Variants in GPR158 observed in about 807,000 individuals in gnomAD.
GPR158 encodes the protein metabotropic glycine receptor.
Under a neutral mutation model 78.2 loss-of-function variants are expected in GPR158, and 30 were observed. That is an observed-to-expected ratio of 0.38 (90% CI 0.29 to 0.52). The LOEUF is 0.52. GPR158 is among the 20% of genes least tolerant of loss of function. The pLI is 0.83. For missense variants in GPR158, 1,463 were observed against 1,523.5 expected (o/e 0.96, Z 0.66); for synonymous variants, 581 against 591.1 (o/e 0.98, Z 0.25).
chr10:25,541,281 T>C (rs1033180650), intron 5 of GPR158, among the ~76,000 whole-genome samples: 20 of 152,108 alleles, frequency 1.3e-4, no homozygotes, highest in Admixed American at 1.3e-4. Flanking sequence ...TTTGTTCTTA[T>C]GGAATTATAA....
chr10:25,350,435 G>A (rs529109927), intron 2 of GPR158, among the ~76,000 whole-genome samples: 3 of 152,002 alleles, frequency 2.0e-5, no homozygotes, highest in East Asian at 3.9e-4. Context: ...CTTCTGAATT[G>A]CTATCTTTCT....
At chr10:25,504,169 G>T (rs1274147169) in intron 5 of GPR158, among the ~76,000 whole-genome samples, 1 of 152,116 alleles carries the variant, frequency 6.6e-6, no homozygotes, top group African/African-American at 2.4e-5. Flanking sequence ...GGGATTACAG[G>T]CATGAGCCAC....
Position 25,550,999 on chromosome 10 carries a change from A to G in GPR158, c.1428A>G (p.Pro476=). The change falls in exon 6 of 11, where the codon CCA becomes CCG. Residue 476 remains proline, a synonymous_variant. Transcript: ENST00000376351. ...YFPVVILYFE[P]STFRCILLRW... is the part of the protein sequence containing the mutation. ...AGGTTGTTATTTTGTACTTTGAGCC[A>G]AGCACATTTCGCTGTATTCTCCTAA... The G allele has an allele frequency of 1.9e-6, 3 of 1,605,872 alleles. No homozygotes were observed. The South Asian group carries it at 3.3e-5, about 18-fold the overall frequency.
At chr10:25,577,988 A>C (rs1395641849) in intron 7 of GPR158, among the ~76,000 whole-genome samples, 1 of 152,220 alleles carries the variant, frequency 6.6e-6, no homozygotes, top group Non-Finnish European at 1.5e-5. Flanking sequence ...CATCTGGTGG[A>C]AAGAGTTTTA....
intron 4 of GPR158, among the ~76,000 whole-genome samples, chr10:25,422,250 G>A (rs1834761359): frequency 6.6e-6 from 1 of 152,076 alleles, no homozygotes. Flanking sequence ...TTATAGCAGG[G>A]GTCCGAAACC....
At chr10:25,597,684 G>GT in intron 10 of GPR158, 88 bp from the exon 11 acceptor site, 1 of 1,070,070 alleles carries the variant, frequency 9.3e-7, no homozygotes, top group Non-Finnish European at 1.3e-6. Context: ...TAGAGCCCAA[G>GT]TTTACTGAAT....
chr10:25,273,157 C>A (rs542892464), intron 2 of GPR158, among the ~76,000 whole-genome samples: 1 of 152,170 alleles, frequency 6.6e-6, no homozygotes, highest in Non-Finnish European at 1.5e-5. Context: ...CTATGTCCTT[C>A]CATATCCTCT....
At chr10:25,303,289 C>T (rs1316552870) in intron 2 of GPR158, among the ~76,000 whole-genome samples, 2 of 152,180 alleles carry the variant, frequency 1.3e-5, no homozygotes, top group Non-Finnish European at 2.9e-5. Context: ...GCTGCAGTGG[C>T]TTTTGGCTAC....
At chr10:25,362,556 A>T (rs1690030621) in intron 2 of GPR158, among the ~76,000 whole-genome samples, 1 of 151,874 alleles carries the variant, frequency 6.6e-6, no homozygotes, top group African/African-American at 2.4e-5. Flanking sequence ...ACATCTTCAT[A>T]ATGTTAATTT....
intron 2 of GPR158, among the ~76,000 whole-genome samples, chr10:25,379,804 C>T (rs1329943039): frequency 2.6e-5 from 4 of 151,936 alleles, no homozygotes; most frequent in Non-Finnish European, 4.4e-5. Context: ...TTACATCTGT[C>T]TGCATTCTCA....
intron 5 of GPR158, among the ~76,000 whole-genome samples, chr10:25,488,029 G>T (rs556619661): frequency 6.6e-6 from 1 of 152,082 alleles, no homozygotes; most frequent in Admixed American, 6.6e-5. Flanking sequence ...GATTGGCTGC[G>T]AGTACCAAGG....
chr10:25,206,292 A>G (rs1853029568), intron 1 of GPR158, among the ~76,000 whole-genome samples: 1 of 152,152 alleles, frequency 6.6e-6, no homozygotes, highest in Admixed American at 6.5e-5. Flanking sequence ...CGGCCCAGAT[A>G]TGGGTTCTTA....
At position 25,573,976 on chromosome 10, in the gene GPR158, G is replaced by A. The variant is rs148103753; in HGVS notation, c.1753+1089G>A. 7.6e-3 allele frequency among the ~76,000 whole-genome samples: 1,150 copies of A among 151,882 alleles called. 12 individuals carry two copies. Among genetic ancestry groups the A allele is most frequent in the African/African-American group, 0.025 (1,035 of 41,460 alleles). On this transcript the variant is annotated intron_variant, in intron 7 of 10. Transcript: ENST00000376351. ...AAATCACAGCACTAAGGTAGGAAGC[G>A]ACTCTGATCTTGACTTTAGTCTGGA... is the stretch of plus-strand genomic sequence containing the variant.
intron 2 of GPR158, among the ~76,000 whole-genome samples, chr10:25,338,451 ATATATATATTACGTAT>A (rs1855246381): frequency 7.0e-6 from 1 of 142,614 alleles, no homozygotes; most frequent in Non-Finnish European, 1.5e-5. Flanking sequence ...TATATACGTA[ATATATATATTACGTAT>A]ATTATACGTA....
chr10:25,472,881 A>G lies in GPR158; in HGVS notation c.1404+6162A>G, dbSNP rs536221349. Among the ~76,000 whole-genome samples the G allele has an allele frequency of 1.1e-4, 17 of 152,308 alleles. No homozygotes were observed. In the South Asian group the frequency reaches 3.1e-3, roughly 28 times the overall value. ...TGAGACACTGGAGTTTTCTAAATAT[A>G]CAATCATGTCATCTGGAAACAGGGA... On this transcript the variant is annotated intron_variant, in intron 5 of 10. Coordinates refer to ENST00000376351, the MANE Select transcript of GPR158 (RefSeq NM_020752.3).
At chr10:25,373,019 A>C (rs1588832158) in intron 2 of GPR158, among the ~76,000 whole-genome samples, 1 of 151,900 alleles carries the variant, frequency 6.6e-6, no homozygotes, top group East Asian at 1.9e-4. Flanking sequence ...TTGCAGCACT[A>C]TTCATGATAG....
intron 2 of GPR158, among the ~76,000 whole-genome samples, chr10:25,313,025 G>T: frequency 6.6e-6 from 1 of 151,840 alleles, no homozygotes; most frequent in Non-Finnish European, 1.5e-5. Context: ...ATCCTTTGGG[G>T]TTTGCATACC....
chr10:25,339,020 CT>C (rs55774828), intron 2 of GPR158, among the ~76,000 whole-genome samples: 9,049 of 137,138 alleles, frequency 0.066, 300 homozygotes, highest in East Asian at 0.17. Flanking sequence ...TTCTTTCTTT[CT>C]TTTTTTTTTT....
intron 1 of GPR158, among the ~76,000 whole-genome samples, chr10:25,212,408 T>C (rs1853144214): frequency 1.3e-5 from 2 of 152,100 alleles, no homozygotes; most frequent in African/African-American, 4.8e-5. Context: ...ACTGAGGGGA[T>C]GGTGCCAAGC....
Sources: allele counts gnomAD v4.1 joint callset (sites outside exome capture counted in the v4.1 genomes callset), GRCh38; gene constraint gnomAD v4.1.1; transcripts MANE v1.5; gene names NCBI Gene and HGNC (gene_info 2026-07-23, HGNC 2026-07-21).